Variants in ZNF222 observed in about 807,000 individuals in gnomAD.
The protein encoded by ZNF222 is zinc finger protein 222.
In ZNF222, 8 loss-of-function variants were observed where a neutral mutation model predicts 11.6. The observed-to-expected ratio is 0.69, with a 90% confidence interval of 0.41 to 1.25. The LOEUF (loss-of-function observed/expected upper bound fraction) is 1.25. Ranked by LOEUF, ZNF222 falls within the 50% of genes most tolerant of loss-of-function variation. The pLI is 0.01. For synonymous variants in ZNF222, 171 were observed against 195.6 expected (o/e 0.87, Z 1.05); for missense variants, 483 against 576.1 (o/e 0.84, Z 1.65).
Position 44,027,416 on chromosome 19 carries a change from G to A in ZNF222, c.188G>A (p.Gly63Glu), listed in dbSNP as rs752594881. ...TTCACAGGGCATCAACCATTCCATG[G>A]AGATACTTTCCACTTCCTAAGGGAA... ...LLSVGHQPFH[G>E]DTFHFLREEK... The change falls in exon 3 of 4, where the codon GGA becomes GAA. Residue 63 changes from glycine to glutamate, a missense_variant. By Grantham distance (98) the Gly-to-Glu change is moderately conservative (BLOSUM62 -2). Transcript: ENST00000391960. 3.1e-6 allele frequency: 5 copies of A among 1,614,044 alleles called. No homozygotes were observed. In the Admixed American group the frequency reaches 8.3e-5, roughly 27 times the overall value.
chr19:44,030,389 C>T (rs568055730), intron 3 of ZNF222, among the ~76,000 whole-genome samples: 5 of 152,290 alleles, frequency 3.3e-5, no homozygotes, highest in Middle Eastern at 3.4e-3. Context: ...CAACCAACTA[C>T]GAAGTTTAGT....
Position 44,032,321 on chromosome 19 carries a change from T to C in ZNF222, c.767T>C (p.Leu256Pro). ...AAAGGCTTCAGATGTAGATCAGCAC[T>C]TAAAGTTCATTGCAAATTACACATG... ...CGKGFRCRSALKVHCKLHMRE... is the reference protein window; with the variant it reads ...CGKGFRCRSAPKVHCKLHMRE... The change falls in exon 4 of 4, where the codon CTT becomes CCT. Residue 256 changes from leucine (L) to proline (P), a missense_variant. Transcript: ENST00000391960. 1.9e-6 allele frequency: 3 copies of C among 1,614,144 alleles called. No individual in the cohort carries two copies. Among genetic ancestry groups the C allele is most frequent in the Non-Finnish European group, 2.5e-6 (3 of 1,180,024 alleles).
At chr19:44,026,945 C>T in intron 1 of ZNF222, 78 bp from the exon 2 acceptor site, 2 of 1,591,684 alleles carry the variant, frequency 1.3e-6, no homozygotes, top group East Asian at 2.2e-5. Context: ...TACACTTGTC[C>T]CTTGTGCCAG....
chr19:44,028,603 A>G (rs1290072428), intron 3 of ZNF222, among the ~76,000 whole-genome samples: 1 of 152,114 alleles, frequency 6.6e-6, no homozygotes, highest in Non-Finnish European at 1.5e-5. Flanking sequence ...ATTTTTGTCT[A>G]CTGATAAGTC....
intron 3 of ZNF222, among the ~76,000 whole-genome samples, chr19:44,029,315 A>C (rs1471080893): frequency 6.7e-6 from 1 of 148,872 alleles, no homozygotes; most frequent in Non-Finnish European, 1.5e-5. Flanking sequence ...GGAAACTTTC[A>C]AGCATGGTTT....
chr19:44,025,463 T>G lies in ZNF222; in HGVS notation c.27T>G (p.Pro9=). The G allele has an allele frequency of 6.4e-7, 1 of 1,550,826 alleles. No individual in the cohort carries two copies. Among genetic ancestry groups the G allele is most frequent in the Non-Finnish European group, 8.7e-7 (1 of 1,146,634 alleles). MIDSGEKK[P]GRRAEEAVTF... ...TGATCGATTCAGGAGAAAAGAAGCC[T>G]GGGCGGAGAGCAGAGGTTTGGAGGG... is the stretch of plus-strand genomic sequence containing the variant. Residue 9 remains proline (P), a synonymous_variant, in exon 1 of 4, where the codon CCT becomes CCG. Coordinates refer to ENST00000391960, the MANE Select transcript of ZNF222 (RefSeq NM_001129996.2). The surrounding 1 kb of genome is among the most constrained non-coding windows in gnomAD (Gnocchi z 4.6).
chr19:44,028,933 C>A (rs1976435317), intron 3 of ZNF222, among the ~76,000 whole-genome samples: 2 of 152,206 alleles, frequency 1.3e-5, no homozygotes, highest in African/African-American at 4.8e-5. Flanking sequence ...GTATATCCTA[C>A]ACACACCCTT....
chr19:44,025,416 C>A lies in ZNF222; in HGVS notation c.-21C>A. The A allele has an allele frequency of 2.6e-6, 4 of 1,551,626 alleles. No individual in the cohort carries two copies. Among genetic ancestry groups the A allele is most frequent in the Non-Finnish European group, 3.5e-6 (4 of 1,146,946 alleles). The stretch of plus-strand genomic sequence containing the variant: ...AGTCCTTCCGAACGAGTCTCCTTTC[C>A]TTGGGGCTCGCAACCACCCAATGAT... On this transcript the variant is annotated 5_prime_UTR_variant, in exon 1 of 4. Coordinates refer to ENST00000391960, the MANE Select transcript of ZNF222 (RefSeq NM_001129996.2). This position sits in a 1 kb window ranked among gnomAD's most constrained non-coding sequence, Gnocchi z 4.6.
chr19:44,026,719 A>G (rs528463957), intron 1 of ZNF222, among the ~76,000 whole-genome samples: 1 of 151,504 alleles, frequency 6.6e-6, no homozygotes, highest in East Asian at 1.9e-4. Flanking sequence ...GGACTATATC[A>G]CTCTAACTCT....
In ZNF222 at chr19:44,032,616, T is replaced by C; in HGVS notation, c.1062T>C (p.Asn354=). The change falls in exon 4 of 4, where the codon AAT becomes AAC. Residue 354 remains asparagine, a synonymous_variant. Transcript: ENST00000391960. ...TTCATATGGGACAGAAACCATATAA[T>C]TGTAAAGAATGTGGGAAGAGCTTCA... ...QMIHMGQKPY[N]CKECGKSFKW... 2 of 1,614,016 alleles carry C rather than the reference T, an allele frequency of 1.2e-6. No homozygotes were observed. Among genetic ancestry groups the C allele is most frequent in the African/African-American group, 1.3e-5 (1 of 74,990 alleles).
rs144596220 is a variant in ZNF222, at chr19:44,026,528, TTCTC to T, written c.43-483_43-480del. On this transcript the variant is annotated intron_variant, in intron 1 of 3. Transcript: ENST00000391960. ...TTTTTAACCTTATCTACTATTTTCTTTCTCTCTCTCTCTCTATATATATATATAT... is the reference window on the plus strand; with the variant it reads ...TTTTTAACCTTATCTACTATTTTCTTTCTCTCTCTCTATATATATATATAT... 5.6e-3 allele frequency among the ~76,000 whole-genome samples: 796 copies of T among 143,242 alleles called. 4 individuals are homozygous for T. Among genetic ancestry groups the T allele is most frequent in the East Asian group, 1.0e-2 (50 of 5,014 alleles). 94.0% of individuals were successfully genotyped at this position (143,242 alleles called of 152,430 possible). A position where few individuals can be genotyped will look rare whatever the true frequency, so the allele number is the denominator to read the frequency against.
At position 44,025,474 on chromosome 19, in the gene ZNF222, C is replaced by T; in HGVS notation, c.38C>T (p.Ala13Val). Residue 13 changes from alanine (A) to valine (V), a missense_variant, in exon 1 of 4, where the codon GCA becomes GTA. By Grantham distance (64) the Ala-to-Val change is moderately conservative. Transcript: ENST00000391960. This position sits in a 1 kb window ranked among gnomAD's most constrained non-coding sequence, Gnocchi z 4.6. Reference sequence around the variant, plus strand: ...GGAGAAAAGAAGCCTGGGCGGAGAGCAGAGGTTTGGAGGGGCGCGGGCGGG... The same window carrying T: ...GGAGAAAAGAAGCCTGGGCGGAGAGTAGAGGTTTGGAGGGGCGCGGGCGGG... ...DSGEKKPGRR[A>V]EEAVTFKDVA... 6.5e-7 allele frequency: 1 copy of T among 1,549,502 alleles called. No homozygotes were observed. The highest frequency in any genetic ancestry group is 1.2e-5 in the South Asian group (1 of 83,846).
chr19:44,027,382 C>G lies in ZNF222; in HGVS notation c.170-16C>G, dbSNP rs1465819191. 6.2e-7 allele frequency: 1 copy of G among 1,609,098 alleles called. No homozygotes were observed. Among genetic ancestry groups the G allele is most frequent in the Admixed American group, 1.7e-5 (1 of 60,022 alleles). On this transcript the variant is annotated splice_polypyrimidine_tract_variant and intron_variant, in intron 2 of 3. Coordinates refer to ENST00000391960, the MANE Select transcript of ZNF222 (RefSeq NM_001129996.2). ...GAACATGTTGGGATTAAGCATGTGACTTTGCCTGTTCACAGGGCATCAACC... is the reference window on the plus strand; with the variant it reads ...GAACATGTTGGGATTAAGCATGTGAGTTTGCCTGTTCACAGGGCATCAACC...
At position 44,032,462 on chromosome 19, in the gene ZNF222, G is replaced by T; in HGVS notation, c.908G>T (p.Gly303Val). ...GEKPFKCEIC[G>V]KSFCLRSSLN... is the part of the protein sequence containing the mutation. ...AAGCCATTCAAATGTGAAATATGTG[G>T]TAAGAGCTTCTGTCTTAGGTCAAGT... Residue 303 changes from glycine (G) to valine (V), a missense_variant, in exon 4 of 4, where the codon GGT becomes GTT. Coordinates refer to ENST00000391960, the MANE Select transcript of ZNF222 (RefSeq NM_001129996.2). 6.2e-7 allele frequency: 1 copy of T among 1,614,170 alleles called. No individual in the cohort carries two copies. Among genetic ancestry groups the T allele is most frequent in the Non-Finnish European group, 8.5e-7 (1 of 1,180,042 alleles).
chr19:44,032,568 A>T lies in ZNF222; in HGVS notation c.1014A>T (p.Leu338=), dbSNP rs758335366. The T allele has an allele frequency of 3.1e-6, 5 of 1,614,120 alleles. No individual in the cohort carries two copies. The East Asian group carries it at 1.1e-4, about 36-fold the overall frequency. ...EKYGRGFIDR[L]DLHKHQMIHM... ...ATGGAAGAGGTTTCATTGATAGGCT[A>T]GATTTGCATAAGCATCAGATGATTC... Residue 338 remains leucine, a synonymous_variant, in exon 4 of 4, where the codon CTA becomes CTT. Coordinates refer to ENST00000391960, the MANE Select transcript of ZNF222 (RefSeq NM_001129996.2).
At chr19:44,027,209 A>G (rs546796455) in intron 2 of ZNF222, 60 bp downstream of exon 2, 4 of 1,600,888 alleles carry the variant, frequency 2.5e-6, no homozygotes, top group Non-Finnish European at 3.4e-6. Context: ...TTTTAATCCT[A>G]GGGTTTTCAA....
chr19:44,027,587 C>A lies in ZNF222; in HGVS notation c.262+97C>A. 5 of 1,168,970 alleles carry A rather than the reference C, an allele frequency of 4.3e-6. No homozygotes were observed. The South Asian group carries it at 6.4e-5, about 15-fold the overall frequency. 72.4% of individuals were successfully genotyped at this position (1,168,970 alleles called of 1,614,324 possible). A position where few individuals can be genotyped will look rare whatever the true frequency, so the allele number is the denominator to read the frequency against. On this transcript the variant is annotated intron_variant, in intron 3 of 3. Transcript: ENST00000391960. ...TTGGGGTAAATGGCCAAACCTGTTTCCTGGATTATTACAGCCTTCTCCCTG... is the reference window on the plus strand; with the variant it reads ...TTGGGGTAAATGGCCAAACCTGTTTACTGGATTATTACAGCCTTCTCCCTG...
Position 44,029,082 on chromosome 19 carries a change from T to G in ZNF222, c.262+1592T>G, listed in dbSNP as rs556891312. 5.3e-3 allele frequency among the ~76,000 whole-genome samples: 815 copies of G among 152,348 alleles called. 5 individuals carry two copies. Among genetic ancestry groups the G allele is most frequent in the African/African-American group, 0.019 (786 of 41,584 alleles). On this transcript the variant is annotated intron_variant, in intron 3 of 3. Coordinates refer to ENST00000391960, the MANE Select transcript of ZNF222 (RefSeq NM_001129996.2). ...GCTTTGTGGAACTCTGTGGAATTTT[T>G]TTTTTCCAAATACTTCTGATGCACT...
intron 1 of ZNF222, among the ~76,000 whole-genome samples, chr19:44,026,639 T>C (rs11083734): frequency 0.81 from 121,695 of 150,992 alleles, 49,567 homozygotes; most frequent in Non-Finnish European, 0.87. Context: ...CCTCCGCCTC[T>C]CGGGTTCAAG....
Sources: gnomAD v4.1 joint callset for allele counts (sites outside exome capture counted in the v4.1 genomes callset) on GRCh38, gnomAD v4.1.1 for gene constraint, Gnocchi (gnomAD v3.1) non-coding constraint, MANE v1.5 for transcripts, NCBI Gene and HGNC (gene_info 2026-07-23, HGNC 2026-07-21) for gene names.